The following CXCR6 variants were observed in gnomAD, a reference collection of about 807,000 sequenced individuals.
CXCR6 encodes the protein C-X-C motif chemokine receptor 6.
A neutral mutation model predicts 1.6 loss-of-function variants in CXCR6; 3 were observed. The observed-to-expected ratio is 1.83, with a 90% CI of 0.83 to 4.72. The LOEUF (loss-of-function observed/expected upper bound fraction) is 4.72. Among genes scored for constraint, CXCR6 ranks in the 30% most tolerant of loss-of-function variants. The probability of loss-of-function intolerance (pLI) is 0.02; values close to 1 mark genes in which losing one functional copy is unlikely to be tolerated. For missense variants in CXCR6, 326 were observed against 414.8 expected (o/e 0.79, Z 1.86); for synonymous variants, 171 against 159.2 (o/e 1.07, Z -0.56).
chr3:45,947,485 A>G lies in CXCR6; in HGVS notation c.1004A>G (p.Glu335Gly). 1 of 1,614,016 alleles carries G rather than the reference A, an allele frequency of 6.2e-7. No individual in the cohort carries two copies. The highest frequency in any genetic ancestry group is 8.5e-7 in the Non-Finnish European group (1 of 1,179,860). The change falls in exon 2 of 2, where the codon GAG (glutamate) becomes GGG (glycine). Residue 335 changes from glutamate to glycine, a missense_variant. Glu to Gly is a moderately conservative substitution (Grantham distance 98). Coordinates refer to ENST00000304552, the MANE Select transcript of CXCR6 (RefSeq NM_006564.2). The part of the protein sequence containing the change: ...SKTFSASHNV[E>G]ATSMFQL ...ACTTTTTCTGCCTCCCACAATGTGG[A>G]GGCCACCAGCATGTTCCAGTTATAG...
rs1462199286 is a variant in CXCR6, at chr3:45,947,377, T to A, written c.896T>A (p.Phe299Tyr). ...AFVSLKFRKN[F>Y]WKLVKDIGCL... is the part of the protein sequence containing the mutation. ...GTCAGCCTGAAGTTTCGAAAGAACT[T>A]CTGGAAACTTGTGAAGGACATTGGT... Residue 299 changes from phenylalanine to tyrosine, a missense_variant, in exon 2 of 2, where the codon TTC becomes TAC. Transcript: ENST00000304552. The A allele has an allele frequency of 1.2e-6, 2 of 1,614,132 alleles. No individual in the cohort carries two copies. The highest frequency in any genetic ancestry group is 1.3e-5 in the African/African-American group (1 of 74,934).
Position 45,947,795 on chromosome 3 carries a change from T to A in CXCR6, c.*285T>A. 1 of 407,346 alleles carries A rather than the reference T, an allele frequency of 2.5e-6. No individual in the cohort carries two copies. Among genetic ancestry groups the A allele is most frequent in the Non-Finnish European group, 4.6e-6 (1 of 215,120 alleles). 25.2% of individuals were successfully genotyped at this position (407,346 alleles called of 1,614,324 possible). On this transcript the variant is annotated 3_prime_UTR_variant, in exon 2 of 2. Coordinates refer to ENST00000304552, the MANE Select transcript of CXCR6 (RefSeq NM_006564.2). ...GGGGGATGACATGTGACTCCTATGA[T>A]CTCAGGTTCTCCTTGATTGGGACTG...
chr3:45,947,014 T>G lies in CXCR6; in HGVS notation c.533T>G (p.Leu178Arg). ...IYGNVFNLDKLICGYHDEAIS... is the reference protein window; with the variant it reads ...IYGNVFNLDKRICGYHDEAIS... ...GGCAATGTCTTTAATCTCGACAAGC[T>G]CATATGTGGTTACCATGACGAGGCA... is the stretch of plus-strand genomic sequence containing the variant. Residue 178 changes from leucine to arginine, a missense_variant, in exon 2 of 2, where the codon CTC becomes CGC. Transcript: ENST00000304552. 6.2e-7 allele frequency: 1 copy of G among 1,614,206 alleles called. No individual in the cohort carries two copies. The highest frequency in any genetic ancestry group is 8.5e-7 in the Non-Finnish European group (1 of 1,180,038).
chr3:45,944,216 G>GTGTA lies in CXCR6; in HGVS notation c.-22+677_-22+678insGTAT, dbSNP rs1553622609. On this transcript the variant is annotated intron_variant, in intron 1 of 1. Transcript: ENST00000304552. The stretch of plus-strand genomic sequence containing the variant: ...TGTGTCTGTGTGTGTGTGTGTGTGT[G>GTGTA]TATATATATATACATTATTTCTGAG... 2.1e-5 allele frequency among the ~76,000 whole-genome samples: 3 copies of GTGTA among 140,406 alleles called. No homozygotes were observed. In the East Asian group the frequency reaches 5.9e-4, roughly 27 times the overall value. 92.1% of individuals were successfully genotyped at this position (140,406 alleles called of 152,430 possible). A position where few individuals can be genotyped will look rare whatever the true frequency, so the allele number is the denominator to read the frequency against.
At position 45,946,474 on chromosome 3, in the gene CXCR6, C is replaced by G. The variant is rs371640095; in HGVS notation, c.-8C>G. ...TCTGACTCACAGGTGTTCATCAGAACAGACACCATGGCAGAGCATGATTAC... is the reference window on the plus strand; with the variant it reads ...TCTGACTCACAGGTGTTCATCAGAAGAGACACCATGGCAGAGCATGATTAC... On this transcript the variant is annotated 5_prime_UTR_variant, in exon 2 of 2. Coordinates refer to ENST00000304552, the MANE Select transcript of CXCR6 (RefSeq NM_006564.2). 10 of 1,608,118 alleles carry G rather than the reference C, an allele frequency of 6.2e-6. No individual in the cohort carries two copies. The highest frequency in any genetic ancestry group is 8.5e-6 in the Non-Finnish European group (10 of 1,175,736).
chr3:45,947,669 T>C lies in CXCR6; in HGVS notation c.*159T>C. On this transcript the variant is annotated 3_prime_UTR_variant, in exon 2 of 2. Coordinates refer to ENST00000304552, the MANE Select transcript of CXCR6 (RefSeq NM_006564.2). ...GAATGCTTCTTCTCAGGCATGAACA[T>C]GTACTGTTCTCTTCTTGAACACTCA... 4.7e-6 allele frequency: 3 copies of C among 636,610 alleles called. No homozygotes were observed. The highest frequency in any genetic ancestry group is 2.0e-5 in the South Asian group (1 of 49,288). 39.4% of individuals were successfully genotyped at this position (636,610 alleles called of 1,614,324 possible). A position where few individuals can be genotyped will look rare whatever the true frequency, so the allele number is the denominator to read the frequency against.
chr3:45,942,299 A>T (rs1704275914), upstream of CXCR6, among the ~76,000 whole-genome samples: 1 of 152,196 alleles, frequency 6.6e-6, no homozygotes, highest in African/African-American at 2.4e-5. Flanking sequence ...GCCTATCTGT[A>T]CGTGACTAGG....
At chr3:45,946,138 C>G in intron 1 of CXCR6, 2 of 253,636 alleles carry the variant, frequency 7.9e-6, no homozygotes, top group Non-Finnish European at 1.5e-5. Flanking sequence ...GCACTGTGCC[C>G]ACCTGGCAGC....
chr3:45,942,271 CT>C (rs1453170669), upstream of CXCR6, among the ~76,000 whole-genome samples: 4 of 152,244 alleles, frequency 2.6e-5, no homozygotes, highest in African/African-American at 9.6e-5. Context: ...GTGGGCTAAT[CT>C]CTCTAATCTT....
intron 1 of CXCR6, among the ~76,000 whole-genome samples, chr3:45,944,526 A>AT (rs561111928): frequency 1.3e-4 from 20 of 150,618 alleles, no homozygotes; most frequent in East Asian, 1.9e-4. Context: ...AAAGTTGTAG[A>AT]TTTTTTTTTT....
chr3:45,946,819 T>C lies in CXCR6; in HGVS notation c.338T>C (p.Phe113Ser), dbSNP rs1015435859. The change falls in exon 2 of 2, where the codon TTC (phenylalanine) becomes TCC (serine). Residue 113 changes from phenylalanine (F) to serine (S), a missense_variant. Phe to Ser is a radical substitution (Grantham distance 155). Coordinates refer to ENST00000304552, the MANE Select transcript of CXCR6 (RefSeq NM_006564.2). ...CTACTGGGCATCTACACTATTAACTTCTACACGTCCATGCTCATCCTCACC... is the reference window on the plus strand; with the variant it reads ...CTACTGGGCATCTACACTATTAACTCCTACACGTCCATGCTCATCCTCACC... ...KSLLGIYTIN[F>S]YTSMLILTCI... 6 of 1,614,194 alleles carry C rather than the reference T, an allele frequency of 3.7e-6. No homozygotes were observed. Among genetic ancestry groups the C allele is most frequent in the African/African-American group, 1.3e-5 (1 of 75,044 alleles).
rs61757198 is a variant in CXCR6, at chr3:45,947,006, C to T, written c.525C>T (p.Leu175=). 1,065 of 1,614,220 alleles carry T rather than the reference C, an allele frequency of 6.6e-4. 7 individuals are homozygous for T. The highest frequency in any genetic ancestry group is 1.7e-3 in the Admixed American group (105 of 60,030). ...TTATCTATGGCAATGTCTTTAATCT[C>T]GACAAGCTCATATGTGGTTACCATG... ...PQIIYGNVFN[L]DKLICGYHDE... is the part of the protein sequence containing the mutation. Residue 175 remains leucine (L), a synonymous_variant, in exon 2 of 2, where the codon CTC becomes CTT. Coordinates refer to ENST00000304552, the MANE Select transcript of CXCR6 (RefSeq NM_006564.2).
chr3:45,942,116 A>C (rs993878887), upstream of CXCR6, among the ~76,000 whole-genome samples: 5 of 152,224 alleles, frequency 3.3e-5, no homozygotes, highest in African/African-American at 1.2e-4. Context: ...GAATTCATTC[A>C]AAAAGGCCTG....
upstream of CXCR6, among the ~76,000 whole-genome samples, chr3:45,941,561 C>T (rs1704227070): frequency 6.6e-6 from 1 of 152,184 alleles, no homozygotes; most frequent in Non-Finnish European, 1.5e-5. Flanking sequence ...AAAATTTTAG[C>T]CCCAAACCTG....
Position 45,946,485 on chromosome 3 carries a change from G to T in CXCR6, c.4G>T (p.Ala2Ser). The part of the protein sequence containing the change: M[A>S]EHDYHEDYGF... Reference sequence around the variant, plus strand: ...GGTGTTCATCAGAACAGACACCATGGCAGAGCATGATTACCATGAAGACTA... The same window carrying T: ...GGTGTTCATCAGAACAGACACCATGTCAGAGCATGATTACCATGAAGACTA... The change falls in exon 2 of 2, where the codon GCA becomes TCA. Residue 2 changes from alanine to serine, a missense_variant. By Grantham distance (99) the Ala-to-Ser change is moderately conservative (BLOSUM62 1). Transcript: ENST00000304552. 6.2e-7 allele frequency: 1 copy of T among 1,611,880 alleles called. No homozygotes were observed. The highest frequency in any genetic ancestry group is 2.2e-5 in the East Asian group (1 of 44,830).
At position 45,946,837 on chromosome 3, in the gene CXCR6, T is replaced by C. The variant is rs1704645539; in HGVS notation, c.356T>C (p.Ile119Thr). The change falls in exon 2 of 2, where the codon ATC becomes ACC. Residue 119 changes from isoleucine to threonine, a missense_variant. Ile to Thr is a moderately conservative substitution (Grantham distance 89). Transcript: ENST00000304552. ...YTINFYTSML[I>T]LTCITVDRFI... Reference sequence around the variant, plus strand: ...ATTAACTTCTACACGTCCATGCTCATCCTCACCTGCATCACTGTGGATCGT... The same window carrying C: ...ATTAACTTCTACACGTCCATGCTCACCCTCACCTGCATCACTGTGGATCGT... The C allele has an allele frequency of 6.2e-7, 1 of 1,614,102 alleles. No individual in the cohort carries two copies. Among genetic ancestry groups the C allele is most frequent in the African/African-American group, 1.3e-5 (1 of 74,936 alleles).
rs1248177535 is a variant in CXCR6, at chr3:45,946,667, G to A, written c.186G>A (p.Leu62=). The part of the protein sequence containing the change: ...VLVISIFYHK[L]QSLTDVFLVN... ...TCATATCCATCTTCTACCATAAGTT[G>A]CAGAGCCTGACGGATGTGTTCCTGG... The change falls in exon 2 of 2, where the codon TTG becomes TTA. Residue 62 remains leucine (L), a synonymous_variant. Transcript: ENST00000304552. The A allele has an allele frequency of 6.2e-7, 1 of 1,614,222 alleles. No individual in the cohort carries two copies. Among genetic ancestry groups the A allele is most frequent in the Non-Finnish European group, 8.5e-7 (1 of 1,180,048 alleles).
Position 45,947,225 on chromosome 3 carries a change from C to A in CXCR6, c.744C>A (p.Asn248Lys). The A allele has an allele frequency of 6.2e-7, 1 of 1,614,198 alleles. No homozygotes were observed. The highest frequency in any genetic ancestry group is 8.5e-7 in the Non-Finnish European group (1 of 1,180,050). Residue 248 changes from asparagine to lysine, a missense_variant, in exon 2 of 2, where the codon AAC (asparagine) becomes AAA (lysine). By Grantham distance (94) the Asn-to-Lys change is moderately conservative (BLOSUM62 0). Transcript: ENST00000304552. ...AVFLLTQMPFNLMKFIRSTHW... is the reference protein window; with the variant it reads ...AVFLLTQMPFKLMKFIRSTHW... ...TCCTGCTGACCCAGATGCCCTTCAA[C>A]CTCATGAAGTTCATCCGCAGCACAC...
At chr3:45,942,914 C>A (rs183202543), upstream of CXCR6, among the ~76,000 whole-genome samples, 15 of 152,286 alleles carry the variant, frequency 9.8e-5, no homozygotes, top group East Asian at 2.9e-3. Context: ...GTTGATTGGT[C>A]TGGTAATGAC....
Sources: gnomAD v4.1 joint callset for allele counts (sites outside exome capture counted in the v4.1 genomes callset) on GRCh38, gnomAD v4.1.1 for gene constraint, MANE v1.5 for transcripts, NCBI Gene and HGNC (gene_info 2026-07-23, HGNC 2026-07-21) for gene names.